Variants in ENTREP2 observed in about 807,000 individuals in gnomAD.
ENTREP2 encodes the protein protein ENTREP2.
chr15:29,437,971 A>G, the ENTREP2 span, among the ~76,000 whole-genome samples: 1 of 152,232 alleles, frequency 6.6e-6, no homozygotes, highest in African/African-American at 2.4e-5. Flanking sequence ...AATTCAACAC[A>G]AATTTTAAAA....
chr15:29,590,698 A>AAG, the ENTREP2 span, among the ~76,000 whole-genome samples: 2 of 151,134 alleles, frequency 1.3e-5, no homozygotes, highest in South Asian at 2.1e-4. Context: ...AAAAAAAAAA[A>AAG]AAAAAAGAAA....
the ENTREP2 span, among the ~76,000 whole-genome samples, chr15:29,236,079 T>C: frequency 6.6e-6 from 1 of 152,140 alleles, no homozygotes; most frequent in Non-Finnish European, 1.5e-5. Flanking sequence ...ATGAAAACTT[T>C]TAACAGGAGT....
the ENTREP2 span, among the ~76,000 whole-genome samples, chr15:29,399,818 A>T: frequency 6.6e-6 from 1 of 152,236 alleles, no homozygotes; most frequent in Non-Finnish European, 1.5e-5. Flanking sequence ...TAAGAAAGTC[A>T]TAAGGAAGAG....
At chr15:29,672,943 G>A in the ENTREP2 span, among the ~76,000 whole-genome samples, 34 of 152,232 alleles carry the variant, frequency 2.2e-4, no homozygotes, top group African/African-American at 7.5e-4. Flanking sequence ...TGAGCTGCTC[G>A]AGGGAGTATA....
At chr15:29,329,171 G>C in the ENTREP2 span, among the ~76,000 whole-genome samples, 1 of 152,020 alleles carries the variant, frequency 6.6e-6, no homozygotes, top group African/African-American at 2.4e-5. Flanking sequence ...GACCATCCTG[G>C]CTAACATGGT....
At chr15:29,251,433 A>C in the ENTREP2 span, among the ~76,000 whole-genome samples, 3 of 152,384 alleles carry the variant, frequency 2.0e-5, no homozygotes, top group South Asian at 4.1e-4. Context: ...CTTCTACAAC[A>C]AGCTCGTCCA....
At chr15:29,364,213 T>C in the ENTREP2 span, among the ~76,000 whole-genome samples, 1 of 152,206 alleles carries the variant, frequency 6.6e-6, no homozygotes, top group Non-Finnish European at 1.5e-5. Flanking sequence ...GGGGAATGGA[T>C]TATGCCTTAC....
At chr15:29,141,333 C>T in the ENTREP2 span, among the ~76,000 whole-genome samples, 2 of 152,204 alleles carry the variant, frequency 1.3e-5, no homozygotes, top group African/African-American at 4.8e-5. Context: ...GTCTCAGTCC[C>T]CTTCCCTGAG....
chr15:29,673,708 G>A, the ENTREP2 span, among the ~76,000 whole-genome samples: 6 of 152,188 alleles, frequency 3.9e-5, no homozygotes, highest in African/African-American at 7.2e-5. Flanking sequence ...AGGCAAGAAG[G>A]GAGTTTGTTT....
chr15:29,591,570 G>A, the ENTREP2 span, among the ~76,000 whole-genome samples: 1 of 152,148 alleles, frequency 6.6e-6, no homozygotes, highest in Non-Finnish European at 1.5e-5. Context: ...TCACTACAGT[G>A]AGCCCTAATC....
the ENTREP2 span, among the ~76,000 whole-genome samples, chr15:29,626,363 A>G: frequency 2.0e-5 from 3 of 152,162 alleles, no homozygotes; most frequent in South Asian, 2.1e-4. Flanking sequence ...GTGGTAGTGA[A>G]TAAGTCTCAT....
chr15:29,325,127 C>T, the ENTREP2 span, among the ~76,000 whole-genome samples: 5 of 152,106 alleles, frequency 3.3e-5, no homozygotes, highest in East Asian at 9.6e-4. Flanking sequence ...TGAAAATATA[C>T]TTTGAACTAA....
chr15:29,352,068 G>GT, the ENTREP2 span, among the ~76,000 whole-genome samples: 1 of 152,126 alleles, frequency 6.6e-6, no homozygotes, highest in African/African-American at 2.4e-5. Flanking sequence ...CTGAGTAGCT[G>GT]TGACTACAGG....
chr15:29,615,883 C>T, the ENTREP2 span, among the ~76,000 whole-genome samples: 1 of 152,174 alleles, frequency 6.6e-6, no homozygotes, highest in Non-Finnish European at 1.5e-5. Context: ...TACAGGGAAG[C>T]AGCGTCCAAT....
chr15:29,484,936 A>G, the ENTREP2 span, among the ~76,000 whole-genome samples: 11 of 152,180 alleles, frequency 7.2e-5, no homozygotes, highest in African/African-American at 2.7e-4. Context: ...TTATTTGTCT[A>G]TTGCTTGCAG....
chr15:29,523,870 T>C, the ENTREP2 span, among the ~76,000 whole-genome samples: 2 of 152,034 alleles, frequency 1.3e-5, no homozygotes, highest in Non-Finnish European at 2.9e-5. Flanking sequence ...TCTCATATCA[T>C]ATACAAAATT....
At chr15:29,243,887 T>C in the ENTREP2 span, among the ~76,000 whole-genome samples, 1 of 152,158 alleles carries the variant, frequency 6.6e-6, no homozygotes, top group African/African-American at 2.4e-5. Context: ...CCTAGATAAT[T>C]CCCAGGTTAT....
chr15:29,673,209 C>T, the ENTREP2 span, among the ~76,000 whole-genome samples: 66 of 152,212 alleles, frequency 4.3e-4, no homozygotes, highest in Admixed American at 1.4e-3. Context: ...TATTAAAAGA[C>T]GTCGCCATCT....
At chr15:29,273,047 G>A in the ENTREP2 span, among the ~76,000 whole-genome samples, 94 of 152,114 alleles carry the variant, frequency 6.2e-4, no homozygotes, top group African/African-American at 2.1e-3. Context: ...AGGGAAGAAA[G>A]CCTAATGGCA....
Sources: gnomAD v4.1 joint callset for allele counts (sites outside exome capture counted in the v4.1 genomes callset) on GRCh38, gnomAD v4.1.1 for gene constraint, MANE v1.5 for transcripts, NCBI Gene and HGNC (gene_info 2026-07-23, HGNC 2026-07-21) for gene names.